Variants in ABCB4 observed in about 807,000 individuals in gnomAD.
ABCB4 encodes ATP binding cassette subfamily B member 4.
ABCB4 carries 76 observed loss-of-function variants against 145.7 expected under a neutral mutation model. The observed-to-expected ratio is 0.52, with a 90% CI of 0.43 to 0.63. ABCB4 has a LOEUF of 0.63. Ranked by LOEUF, ABCB4 falls within the 30% of genes least tolerant of loss-of-function variation. The pLI is 0.00. For synonymous variants in ABCB4, 517 were observed against 566.8 expected (o/e 0.91, Z 1.25); for missense variants, 1,234 against 1,553.1 (o/e 0.79, Z 3.45).
downstream of ABCB4, chr7:87,398,649 GA>G (rs1807635490): frequency 6.2e-7 from 1 of 1,612,252 alleles, no homozygotes; most frequent in South Asian, 1.1e-5. Flanking sequence ...CTTTAGAGAT[GA>G]ATCATCTATT....
intron 7 of ABCB4, among the ~76,000 whole-genome samples, chr7:87,451,258 C>T (rs1384401637): frequency 6.6e-6 from 1 of 151,872 alleles, no homozygotes; most frequent in Non-Finnish European, 1.5e-5. Context: ...TCTCAGCCTC[C>T]CAAGTAGCTG....
At chr7:87,449,382 T>C (rs1325350419) in intron 8 of ABCB4, among the ~76,000 whole-genome samples, 1 of 152,094 alleles carries the variant, frequency 6.6e-6, no homozygotes, top group Non-Finnish European at 1.5e-5. Context: ...TATAATTATT[T>C]TCCTTTGTAA....
intron 2 of ABCB4, 108 bp from the exon 3 acceptor site, chr7:87,472,783 TAA>T: frequency 1.2e-6 from 1 of 845,586 alleles, no homozygotes; most frequent in Non-Finnish European, 1.9e-6. Context: ...TTTTCAAATA[TAA>T]GAGTGATGTT....
intron 26 of ABCB4, chr7:87,405,837 G>A (rs1562948459): frequency 4.4e-6 from 1 of 226,620 alleles, no homozygotes; most frequent in East Asian, 1.1e-4. Context: ...TAAGATGAGT[G>A]GAGTGTATCA....
At chr7:87,372,426 A>G in the ABCB4 span, among the ~76,000 whole-genome samples, 1 of 152,214 alleles carries the variant, frequency 6.6e-6, no homozygotes. Flanking sequence ...AATTTGACAT[A>G]TAATTATTAG....
At chr7:87,365,934 C>A in the ABCB4 span, among the ~76,000 whole-genome samples, 1 of 152,020 alleles carries the variant, frequency 6.6e-6, no homozygotes, top group Non-Finnish European at 1.5e-5. Flanking sequence ...TTTACCTACC[C>A]CCTAGGAGAC....
At chr7:87,460,301 T>C (rs933692058) in intron 4 of ABCB4, among the ~76,000 whole-genome samples, 2 of 152,202 alleles carry the variant, frequency 1.3e-5, no homozygotes, top group Admixed American at 6.5e-5. Flanking sequence ...TTTCAATTTT[T>C]ATTTTAGATT....
Position 87,453,091 on chromosome 7 carries a change from G to A in ABCB4, c.389C>T (p.Ala130Val). 1 of 1,614,088 alleles carries A rather than the reference G, an allele frequency of 6.2e-7. No homozygotes were observed. The highest frequency in any genetic ancestry group is 8.5e-7 in the Non-Finnish European group (1 of 1,180,010). Reference sequence around the variant, plus strand: ...CCAAAATGAAACTTGTATATAGGCAGCAACAAGAACTCCAGCACCCAATCC... The same window carrying A: ...CCAAAATGAAACTTGTATATAGGCAACAACAAGAACTCCAGCACCCAATCC... ...YSGLGAGVLV[A>V]AYIQVSFWTL... The change falls in exon 6 of 28, where the codon GCT becomes GTT. Residue 130 changes from alanine (A) to valine (V), a missense_variant. By Grantham distance (64) the Ala-to-Val change is moderately conservative (BLOSUM62 0). Transcript: ENST00000649586.
intron 20 of ABCB4, among the ~76,000 whole-genome samples, chr7:87,418,224 G>A (rs1809133763): frequency 6.6e-6 from 1 of 152,152 alleles, no homozygotes; most frequent in Non-Finnish European, 1.5e-5. Context: ...AGAGGTGTGT[G>A]CTCTCTTTCA....
intron 7 of ABCB4, among the ~76,000 whole-genome samples, chr7:87,451,338 G>A (rs1441909849): frequency 1.3e-5 from 2 of 152,074 alleles, no homozygotes; most frequent in African/African-American, 4.8e-5. Context: ...GTTTTGCCAT[G>A]TTGTCCAGGC....
chr7:87,382,688 A>C, the ABCB4 span: 1 of 748,868 alleles, frequency 1.3e-6, no homozygotes, highest in Non-Finnish European at 2.1e-6. Flanking sequence ...CCATCAATAG[A>C]GTATTAGATT....
At chr7:87,394,995 A>G in the ABCB4 span, among the ~76,000 whole-genome samples, 3 of 152,126 alleles carry the variant, frequency 2.0e-5, no homozygotes, top group Non-Finnish European at 4.4e-5. Flanking sequence ...CTGAAAAAAA[A>G]AATGCCACAA....
At chr7:87,397,013 C>T (rs531630782), downstream of ABCB4, among the ~76,000 whole-genome samples, 35 of 152,162 alleles carry the variant, frequency 2.3e-4, no homozygotes, top group Middle Eastern at 3.4e-3. Context: ...AGGTTATAAA[C>T]GTATCCTTTC....
Position 87,406,348 on chromosome 7 carries a change from A to G in ABCB4, c.3426T>C (p.Asp1142=). 1 of 1,614,146 alleles carries G rather than the reference A, an allele frequency of 6.2e-7. No homozygotes were observed. The highest frequency in any genetic ancestry group is 8.5e-7 in the Non-Finnish European group (1 of 1,180,006). ...CAGCTTTGGCTGCACTCACAATTTCATCCTGTGATACAACCCGGCTGTTGT... is the reference window on the plus strand; with the variant it reads ...CAGCTTTGGCTGCACTCACAATTTCGTCCTGTGATACAACCCGGCTGTTGT... ...YGDNSRVVSQ[D]EIVSAAKAAN... is the part of the protein sequence containing the mutation. Residue 1142 remains aspartate, a synonymous_variant, in exon 26 of 28, where the codon GAT becomes GAC. Coordinates refer to ENST00000649586, the MANE Select transcript of ABCB4 (RefSeq NM_000443.4).
At chr7:87,373,896 C>A in the ABCB4 span, among the ~76,000 whole-genome samples, 2,918 of 151,986 alleles carry the variant, frequency 0.019, 102 homozygotes, top group African/African-American at 0.066. Flanking sequence ...GTGAAAAAAT[C>A]AAGTAAGAAG....
chr7:87,391,528 T>C, the ABCB4 span: 12 of 1,489,046 alleles, frequency 8.1e-6, no homozygotes. Context: ...GGCAACTATA[T>C]CTGTAATGAT....
Position 87,443,284 on chromosome 7 carries a change from T to C in ABCB4, c.1356+35A>G, listed in dbSNP as rs8187793. On this transcript the variant is annotated intron_variant, in intron 12 of 27. Transcript: ENST00000649586. ...TTCAAAGGGCCAATTTGTATCCAGC[T>C]TCCCACTCTGGAAAGCTTGGTTCTT... 121 of 1,613,512 alleles carry C rather than the reference T, an allele frequency of 7.5e-5. 1 individual carries two copies. The African/African-American group carries it at 1.3e-3, about 18-fold the overall frequency.
chr7:87,457,351 A>C (rs1812164522), intron 4 of ABCB4, among the ~76,000 whole-genome samples: 1 of 152,106 alleles, frequency 6.6e-6, no homozygotes, highest in South Asian at 2.1e-4. Flanking sequence ...TCAAGGCTGG[A>C]GTGAGCTATG....
chr7:87,429,586 A>G (rs1810061862), intron 15 of ABCB4, among the ~76,000 whole-genome samples: 1 of 152,196 alleles, frequency 6.6e-6, no homozygotes, highest in Non-Finnish European at 1.5e-5. Context: ...TGGTTATTTC[A>G]CTTGAGGATT....
Sources: allele counts gnomAD v4.1 joint callset (sites outside exome capture counted in the v4.1 genomes callset), GRCh38; gene constraint gnomAD v4.1.1; transcripts MANE v1.5; gene names NCBI Gene and HGNC (gene_info 2026-07-23, HGNC 2026-07-21).